The following GPHN variants were observed in gnomAD, a reference collection of about 807,000 sequenced individuals.
GPHN encodes the protein gephyrin.
A neutral mutation model predicts 95.5 loss-of-function variants in GPHN; 17 were observed. That is an observed-to-expected ratio of 0.18 (90% CI 0.12 to 0.27). The LOEUF is 0.27. Ranked by LOEUF, GPHN falls within the 10% of genes least tolerant of loss-of-function variation. The pLI is 1.00. For synonymous variants in GPHN, 320 were observed against 322.5 expected, an observed-to-expected ratio of 0.99 and a Z score of 0.08; for missense variants, 660 against 978.1, an observed-to-expected ratio of 0.67 and a Z score of 4.34.
intron 18 of GPHN, 139 bp downstream of exon 18, chr14:67,143,588 T>C (rs889285683): frequency 2.6e-5 from 19 of 726,300 alleles, no homozygotes; most frequent in Admixed American, 1.7e-4. Context: ...CAGAAATTAC[T>C]GGTCTCTTTA....
chr14:67,642,792 T>C, the GPHN span, among the ~76,000 whole-genome samples: 2 of 126,304 alleles, frequency 1.6e-5, no homozygotes, highest in African/African-American at 5.9e-5. Flanking sequence ...TACTACATTT[T>C]CTTTTTTTTT....
At chr14:67,474,804 T>A in the GPHN span, among the ~76,000 whole-genome samples, 1 of 152,158 alleles carries the variant, frequency 6.6e-6, no homozygotes, top group Non-Finnish European at 1.5e-5. Flanking sequence ...ATAAGTGGAA[T>A]CATACAAACA....
chr14:67,573,776 C>G, the GPHN span: 13 of 1,507,558 alleles, frequency 8.6e-6, no homozygotes, highest in African/African-American at 1.4e-5. The surrounding 1 kb of genome is among the most constrained non-coding windows in gnomAD (Gnocchi z 4.8). Context: ...TTCAGTGGCT[C>G]TCCTCTCCAA....
chr14:67,056,545 G>C (rs1203752437), intron 10 of GPHN, among the ~76,000 whole-genome samples: 1 of 151,612 alleles, frequency 6.6e-6, no homozygotes, highest in East Asian at 1.9e-4. Context: ...ACAGAGCGCT[G>C]ATTGGTGCAT....
rs79884269 is a variant in GPHN, at chr14:67,030,060, C to T, written c.1006+6385C>T. On this transcript the variant is annotated intron_variant, in intron 10 of 22. Transcript: ENST00000478722. ...AGACTTCTCTCATAGATCTTCCATTCACACTCTATATTATGCATGAGCAAG... is the reference window on the plus strand; with the variant it reads ...AGACTTCTCTCATAGATCTTCCATTTACACTCTATATTATGCATGAGCAAG... Among the ~76,000 whole-genome samples the T allele has an allele frequency of 2.0e-5, 3 of 149,744 alleles. No individual in the cohort carries two copies. The East Asian group carries it at 5.9e-4, about 30-fold the overall frequency.
At chr14:66,977,232 C>T (rs2070311993) in intron 9 of GPHN, among the ~76,000 whole-genome samples, 1 of 152,046 alleles carries the variant, frequency 6.6e-6, no homozygotes, top group African/African-American at 2.4e-5. Context: ...GAGATCGAGA[C>T]CATCCTGACT....
chr14:66,677,908 C>G (rs958705611), intron 1 of GPHN, among the ~76,000 whole-genome samples: 44 of 152,062 alleles, frequency 2.9e-4, no homozygotes, highest in African/African-American at 1.0e-3. Context: ...TAGTACTTTG[C>G]TTAAACCATT....
chr14:67,288,554 A>T, the GPHN span, among the ~76,000 whole-genome samples: 1 of 152,204 alleles, frequency 6.6e-6, no homozygotes, highest in Non-Finnish European at 1.5e-5. Flanking sequence ...TACTCAGAGA[A>T]GTCTAGTCCC....
the GPHN span, among the ~76,000 whole-genome samples, chr14:67,289,332 A>C: frequency 6.6e-6 from 1 of 152,174 alleles, no homozygotes; most frequent in Admixed American, 6.5e-5. Flanking sequence ...TCTCTGAACA[A>C]TACAATATAA....
chr14:66,555,048 A>G (rs1594944495), intron 1 of GPHN, among the ~76,000 whole-genome samples: 1 of 152,176 alleles, frequency 6.6e-6, no homozygotes, highest in Admixed American at 6.5e-5. Context: ...TAGCTTCAGA[A>G]TATTGGAACT....
At chr14:67,165,262 G>GA in intron 20 of GPHN, 36 bp downstream of exon 20, 2 of 1,475,066 alleles carry the variant, frequency 1.4e-6, no homozygotes, top group Non-Finnish European at 1.9e-6. Flanking sequence ...CCTTTTTCTG[G>GA]AAAAATAGCC....
chr14:66,587,094 C>G (rs538460971), intron 1 of GPHN, among the ~76,000 whole-genome samples: 2 of 152,150 alleles, frequency 1.3e-5, no homozygotes, highest in South Asian at 4.1e-4. Context: ...TGACAAGAGA[C>G]TACTGTGAAC....
At chr14:67,593,820 C>G in the GPHN span, 1 of 1,613,610 alleles carries the variant, frequency 6.2e-7, no homozygotes, top group Non-Finnish European at 8.5e-7. Flanking sequence ...TTGCCTGAAG[C>G]ATAAGATGAA....
the GPHN span, among the ~76,000 whole-genome samples, chr14:67,499,000 T>TTTATTTATTTAC: frequency 1.3e-5 from 2 of 151,166 alleles, no homozygotes; most frequent in Non-Finnish European, 2.9e-5. Flanking sequence ...TATTTATTTA[T>TTTATTTATTTAC]TTATTAGTTA....
chr14:66,984,914 G>A (rs1197360120), intron 9 of GPHN, among the ~76,000 whole-genome samples: 1 of 149,426 alleles, frequency 6.7e-6, no homozygotes, highest in Non-Finnish European at 1.5e-5. Context: ...TATTTAAAAA[G>A]TACCTCCTCT....
the GPHN span, among the ~76,000 whole-genome samples, chr14:67,670,193 A>C: frequency 6.6e-6 from 1 of 152,196 alleles, no homozygotes; most frequent in African/African-American, 2.4e-5. Context: ...TGTCCTGTCT[A>C]GCCATTAATG....
At chr14:66,996,932 G>T (rs990662049) in intron 9 of GPHN, among the ~76,000 whole-genome samples, 2 of 151,988 alleles carry the variant, frequency 1.3e-5, no homozygotes, top group African/African-American at 4.8e-5. Context: ...GAATAAATGA[G>T]TTTTCTTGTT....
the GPHN span, chr14:67,556,031 G>C: frequency 1.8e-6 from 2 of 1,110,318 alleles, no homozygotes; most frequent in African/African-American, 3.1e-5. Flanking sequence ...GGAGCTTTCT[G>C]TGGGAGTAGA....
chr14:67,517,268 G>T, the GPHN span, among the ~76,000 whole-genome samples: 1 of 152,198 alleles, frequency 6.6e-6, no homozygotes, highest in Admixed American at 6.5e-5. Context: ...GTGGCCGGCG[G>T]CTGGCAGCTG....
Sources: allele counts gnomAD v4.1 joint callset (sites outside exome capture counted in the v4.1 genomes callset), GRCh38; gene constraint gnomAD v4.1.1; non-coding constraint Gnocchi (gnomAD v3.1); transcripts MANE v1.5; gene names NCBI Gene and HGNC (gene_info 2026-07-23, HGNC 2026-07-21).